The following ROR2 variants were observed in gnomAD, a reference collection of about 807,000 sequenced individuals.
ROR2 encodes tyrosine-protein kinase transmembrane receptor ROR2.
Under a neutral mutation model 74.9 loss-of-function variants are expected in ROR2, and 33 were observed. That is an observed-to-expected ratio of 0.44 (90% confidence interval 0.33 to 0.59). The LOEUF (loss-of-function observed/expected upper bound fraction) is 0.59, where lower values mean the gene tolerates loss of function less well. ROR2 is among the 20% of genes least tolerant of loss of function. The pLI is 0.02. For missense variants in ROR2, 1,216 were observed against 1,313.8 expected (o/e 0.93, Z 1.15); for synonymous variants, 586 against 558.7 (o/e 1.05, Z -0.69).
chr9:91,869,722 TC>T (rs945867116), intron 1 of ROR2, among the ~76,000 whole-genome samples: 10 of 152,158 alleles, frequency 6.6e-5, no homozygotes, highest in Admixed American at 5.2e-4. Flanking sequence ...TTGCTCCATA[TC>T]CCGATTTTAG....
At chr9:91,754,638 G>A (rs1383336867) in intron 4 of ROR2, among the ~76,000 whole-genome samples, 1 of 151,986 alleles carries the variant, frequency 6.6e-6, no homozygotes, top group East Asian at 1.9e-4. Context: ...CTGGGTGACA[G>A]GGCGAGACTC....
At chr9:91,938,002 G>A (rs531777038) in intron 1 of ROR2, among the ~76,000 whole-genome samples, 54 of 152,320 alleles carry the variant, frequency 3.5e-4, no homozygotes, top group African/African-American at 1.2e-3. Context: ...ACAGGCAAGG[G>A]CCATCGTGCC....
chr9:91,823,474 C>T (rs1439672285), intron 1 of ROR2, among the ~76,000 whole-genome samples: 1 of 150,490 alleles, frequency 6.6e-6, no homozygotes, highest in Non-Finnish European at 1.5e-5. Context: ...GGATTGCCGG[C>T]GCATGCCACC....
chr9:91,910,855 G>A (rs1830961404), intron 1 of ROR2, among the ~76,000 whole-genome samples: 1 of 151,976 alleles, frequency 6.6e-6, no homozygotes, highest in African/African-American at 2.4e-5. Flanking sequence ...GTAGAGACGG[G>A]GTTTCACCTT....
intron 1 of ROR2, among the ~76,000 whole-genome samples, chr9:91,875,521 T>A (rs1829931899): frequency 6.6e-6 from 1 of 152,216 alleles, no homozygotes; most frequent in Admixed American, 6.5e-5. Flanking sequence ...GCTTTCTTTA[T>A]TTTCCTTCCT....
rs756234891 is a variant in ROR2, at chr9:91,724,256, G to A, written c.2238C>T (p.Leu746=). 4 of 1,613,496 alleles carry A rather than the reference G, an allele frequency of 2.5e-6. No individual in the cohort carries two copies. The highest frequency in any genetic ancestry group is 1.7e-5 in the Admixed American group (1 of 60,030). The change falls in exon 9 of 9, where the codon CTC becomes CTT. Residue 746 remains leucine (L), a synonymous_variant. Coordinates refer to ENST00000375708, the MANE Select transcript of ROR2 (RefSeq NM_004560.4). ...RPRFKDIHSR[L]RAWGNLSNYN... is the part of the protein sequence containing the mutation. ...AGTTGGAAAGGTTGCCCCAGGCTCGGAGCCGGCTGTGGATGTCCTTGAAGC... is the reference window on the plus strand; with the variant it reads ...AGTTGGAAAGGTTGCCCCAGGCTCGAAGCCGGCTGTGGATGTCCTTGAAGC...
At chr9:91,839,277 T>TACAGGC (rs113477127) in intron 1 of ROR2, among the ~76,000 whole-genome samples, 3 of 145,246 alleles carry the variant, frequency 2.1e-5, no homozygotes, top group South Asian at 2.2e-4. Context: ...TGTGTGTGTG[T>TACAGGC]GTGTGTGTGT....
At chr9:91,782,365 G>T (rs1002718912) in intron 1 of ROR2, among the ~76,000 whole-genome samples, 2 of 151,544 alleles carry the variant, frequency 1.3e-5, no homozygotes, top group Admixed American at 1.3e-4. Context: ...TGAATCTCTG[G>T]AAAGTTTTTA....
intron 1 of ROR2, among the ~76,000 whole-genome samples, chr9:91,822,020 A>C (rs1376960887): frequency 6.6e-6 from 1 of 152,234 alleles, no homozygotes; most frequent in African/African-American, 2.4e-5. Flanking sequence ...CAGTTAAACA[A>C]AAACCAAGAA....
In ROR2 at chr9:91,793,737, G is replaced by A. The variant is rs192537728; in HGVS notation, c.98-17919C>T. Among the ~76,000 whole-genome samples, 681 of 150,656 alleles carry A rather than the reference G, an allele frequency of 4.5e-3. 14 individuals carry two copies. The highest frequency in any genetic ancestry group is 7.9e-3 in the East Asian group (41 of 5,166). ...TGATCATGCCATTGCACTCCAGCCCGGGCGACAGTGTGAGACTCCGTTTCA... is the reference window on the plus strand; with the variant it reads ...TGATCATGCCATTGCACTCCAGCCCAGGCGACAGTGTGAGACTCCGTTTCA... On this transcript the variant is annotated intron_variant, in intron 1 of 8. Transcript: ENST00000375708.
At chr9:91,895,284 T>A (rs1342554494) in intron 1 of ROR2, among the ~76,000 whole-genome samples, 2 of 152,176 alleles carry the variant, frequency 1.3e-5, no homozygotes, top group Non-Finnish European at 2.9e-5. Flanking sequence ...TACAGAAAAT[T>A]TTTACGGCAT....
intron 1 of ROR2, among the ~76,000 whole-genome samples, chr9:91,786,773 G>A (rs1445047787): frequency 1.3e-5 from 2 of 152,162 alleles, no homozygotes; most frequent in Non-Finnish European, 2.9e-5. Flanking sequence ...TACCCCTGGG[G>A]CATTATGAAA....
intron 3 of ROR2, 144 bp downstream of exon 3, chr9:91,757,127 TG>T: frequency 9.5e-7 from 1 of 1,051,196 alleles, no homozygotes; most frequent in Non-Finnish European, 1.4e-6. Context: ...CTGGGGCACA[TG>T]GGGAAGGCCC....
At chr9:91,878,990 C>T (rs536341173) in intron 1 of ROR2, among the ~76,000 whole-genome samples, 1 of 151,726 alleles carries the variant, frequency 6.6e-6, no homozygotes, top group South Asian at 2.1e-4. Context: ...TGCAGTGAGC[C>T]GAGATCGCGC....
At chr9:91,857,768 A>AG (rs1829343328) in intron 1 of ROR2, among the ~76,000 whole-genome samples, 1 of 152,154 alleles carries the variant, frequency 6.6e-6, no homozygotes. Flanking sequence ...TCTCCCTGGG[A>AG]GGGGCCTGGA....
At chr9:91,737,039 G>A (rs1284313641) in intron 5 of ROR2, among the ~76,000 whole-genome samples, 1 of 152,206 alleles carries the variant, frequency 6.6e-6, no homozygotes, top group Non-Finnish European at 1.5e-5. Context: ...GTGAGTGTGG[G>A]GGCGCTGAGG....
At chr9:91,764,588 C>A (rs895206413) in intron 2 of ROR2, among the ~76,000 whole-genome samples, 6 of 130,440 alleles carry the variant, frequency 4.6e-5, no homozygotes, top group South Asian at 4.9e-4. Flanking sequence ...ACACACACAC[C>A]ACACACATTG....
chr9:91,731,178 G>T (rs1564236163), intron 6 of ROR2, 23 bp from the exon 7 acceptor site: 1 of 1,613,674 alleles, frequency 6.2e-7, no homozygotes, highest in Non-Finnish European at 8.5e-7. Context: ...AACACGTTAG[G>T]AAAACCTCCG....
At chr9:91,805,528 C>A (rs1414007776) in intron 1 of ROR2, among the ~76,000 whole-genome samples, 2 of 152,218 alleles carry the variant, frequency 1.3e-5, no homozygotes, top group African/African-American at 4.8e-5. Flanking sequence ...GCTGCTCCCC[C>A]TAGCCGGAGA....
Sources: gnomAD v4.1 joint callset for allele counts (sites outside exome capture counted in the v4.1 genomes callset) on GRCh38, gnomAD v4.1.1 for gene constraint, MANE v1.5 for transcripts, NCBI Gene and HGNC (gene_info 2026-07-23, HGNC 2026-07-21) for gene names.